The following TMEM120B variants were observed in gnomAD, a reference collection of about 807,000 sequenced individuals.
The protein encoded by TMEM120B is transmembrane protein 120B.
TMEM120B carries 31 observed loss-of-function variants against 55.5 expected under a neutral mutation model. The ratio of observed to expected loss-of-function variants is 0.56; its 90% confidence interval spans 0.42 to 0.75. TMEM120B has a LOEUF of 0.75. TMEM120B is among the 30% of genes least tolerant of loss of function. The pLI, the probability that TMEM120B is intolerant of heterozygous loss-of-function variation, is 0.00. For missense variants in TMEM120B, 399 were observed against 425.5 expected, an observed-to-expected ratio of 0.94 and a Z score of 0.55; for synonymous variants, 203 against 176.3, an observed-to-expected ratio of 1.15 and a Z score of -1.20.
chr12:121,761,539 C>G, intron 5 of TMEM120B, 110 bp from the exon 6 acceptor site: 1 of 745,144 alleles, frequency 1.3e-6, no homozygotes, highest in Non-Finnish European at 2.3e-6. Context: ...AGAGGCAGCG[C>G]GTGCTGTGGG....
intron 5 of TMEM120B, among the ~76,000 whole-genome samples, chr12:121,755,591 G>A (rs2137240730): frequency 6.6e-6 from 1 of 152,262 alleles, no homozygotes; most frequent in East Asian, 1.9e-4. Context: ...ATGGGAAGTG[G>A]TACTGTCTTA....
In TMEM120B at chr12:121,749,187, A is replaced by G. The variant is rs1231840405; in HGVS notation, c.305+745A>G. 7.9e-5 allele frequency among the ~76,000 whole-genome samples: 12 copies of G among 152,296 alleles called. No individual in the cohort carries two copies. The East Asian group carries it at 2.3e-3, about 29-fold the overall frequency. On this transcript the variant is annotated intron_variant, in intron 3 of 11. Transcript: ENST00000449592. ...GGCTAGCCCTGTTATATTTTAACCC[A>G]TTCCTCCGAGCTTCTCCTTTTTGAC...
intron 6 of TMEM120B, among the ~76,000 whole-genome samples, chr12:121,764,601 C>T (rs912562519): frequency 2.0e-5 from 3 of 151,798 alleles, no homozygotes; most frequent in Non-Finnish European, 2.9e-5. Flanking sequence ...ATTGTATGAG[C>T]CCAGGAGGTT....
chr12:121,750,971 C>CCTCACA (rs1873292182), intron 4 of TMEM120B, among the ~76,000 whole-genome samples: 1 of 84,434 alleles, frequency 1.2e-5, no homozygotes, highest in Non-Finnish European at 2.4e-5. Context: ...ACACCACACA[C>CCTCACA]CCCACACCCA....
chr12:121,723,162 G>GTTTGT (rs937353321), intron 1 of TMEM120B, among the ~76,000 whole-genome samples: 4 of 128,870 alleles, frequency 3.1e-5, no homozygotes, highest in Non-Finnish European at 7.2e-5. Flanking sequence ...TTGTTTGTTT[G>GTTTGT]TTTGTTTTGT....
chr12:121,739,714 C>G (rs1646324886), intron 1 of TMEM120B, among the ~76,000 whole-genome samples: 1 of 151,568 alleles, frequency 6.6e-6, no homozygotes, highest in South Asian at 2.1e-4. Context: ...TCAAGTGATC[C>G]ACACACCACA....
chr12:121,776,325 C>T lies in TMEM120B; in HGVS notation c.*603C>T, dbSNP rs1337677671. 1 of 160,876 alleles carries T rather than the reference C, an allele frequency of 6.2e-6. No individual in the cohort carries two copies. The highest frequency in any genetic ancestry group is 1.3e-5 in the Non-Finnish European group (1 of 74,194). 10.0% of individuals were successfully genotyped at this position (160,876 alleles called of 1,614,324 possible). ...TCCTGAGTCAGGCTGTGAGAAGATT[C>T]GCCACCAGAGGGCGCCCCGGGCCCT... On this transcript the variant is annotated 3_prime_UTR_variant, in exon 12 of 12. Coordinates refer to ENST00000449592, the MANE Select transcript of TMEM120B (RefSeq NM_001080825.2).
chr12:121,741,590 A>G (rs1405046763), intron 1 of TMEM120B, among the ~76,000 whole-genome samples: 5 of 152,100 alleles, frequency 3.3e-5, no homozygotes, highest in African/African-American at 9.7e-5. Context: ...TGGCCTCCCA[A>G]AGTGCTGGGA....
rs1163323998 is a variant in TMEM120B at position 121,777,144 on chromosome 12, G to A, written c.*1422G>A. On this transcript the variant is annotated 3_prime_UTR_variant, in exon 12 of 12. Coordinates refer to ENST00000449592, the MANE Select transcript of TMEM120B (RefSeq NM_001080825.2). The stretch of plus-strand genomic sequence containing the variant: ...CTTTTGTTTTGTTTTGTTTTGTTTT[G>A]TATTTTTAGTAGAGACAGGGTTTCA... 6.6e-6 allele frequency: 1 copy of A among 151,746 alleles called. No homozygotes were observed. Among genetic ancestry groups the A allele is most frequent in the Non-Finnish European group, 1.5e-5 (1 of 67,964 alleles). The allele number at this position is 151,746 out of a possible 1,614,324, so 9.4% of individuals were successfully genotyped here.
At chr12:121,718,209 G>A (rs1227586210) in intron 1 of TMEM120B, among the ~76,000 whole-genome samples, 1 of 152,190 alleles carries the variant, frequency 6.6e-6, no homozygotes, top group African/African-American at 2.4e-5. Flanking sequence ...ATGGCCTGGC[G>A]CAGTGGCCCA....
At chr12:121,768,534 G>C (rs377082216) in intron 6 of TMEM120B, among the ~76,000 whole-genome samples, 5 of 152,320 alleles carry the variant, frequency 3.3e-5, no homozygotes, top group African/African-American at 1.2e-4. Flanking sequence ...AAGCACGTGG[G>C]CGTGTGTGTG....
chr12:121,730,931 C>T (rs1442403411), intron 1 of TMEM120B, among the ~76,000 whole-genome samples: 1 of 151,576 alleles, frequency 6.6e-6, no homozygotes, highest in Non-Finnish European at 1.5e-5. Context: ...GCACTCCAGT[C>T]TGGGTAACAA....
rs1592921262 is a variant in TMEM120B at position 121,717,824 on chromosome 12, A to T, written c.69+4860A>T. Among the ~76,000 whole-genome samples, 3 of 152,018 alleles carry T rather than the reference A, an allele frequency of 2.0e-5. No individual in the cohort carries two copies. The South Asian group carries it at 6.2e-4, about 32-fold the overall frequency. On this transcript the variant is annotated intron_variant, in intron 1 of 11. Transcript: ENST00000449592. ...AGATGTGTGCCACCACTCCTGGCTA[A>T]TTTTTGTATTTTTAGTAGAGACAGG...
At chr12:121,743,509 G>C (rs1318874374) in intron 1 of TMEM120B, 120 bp from the exon 2 acceptor site, 1 of 698,762 alleles carries the variant, frequency 1.4e-6, no homozygotes, top group East Asian at 2.8e-5. Context: ...AGTGAGCCAA[G>C]ATCATGCCAC....
At chr12:121,755,056 C>T (rs754132431) in intron 5 of TMEM120B, among the ~76,000 whole-genome samples, 5 of 152,174 alleles carry the variant, frequency 3.3e-5, no homozygotes, top group African/African-American at 9.7e-5. Flanking sequence ...ATATTAGCAC[C>T]GGTTAGCATC....
At chr12:121,740,521 GTTA>G (rs1219458905) in intron 1 of TMEM120B, among the ~76,000 whole-genome samples, 2 of 151,670 alleles carry the variant, frequency 1.3e-5, no homozygotes, top group African/African-American at 4.8e-5. Context: ...AAAAGAAAGT[GTTA>G]TTAAGAAAAT....
At chr12:121,735,118 A>G (rs1327379407) in intron 1 of TMEM120B, among the ~76,000 whole-genome samples, 6 of 146,790 alleles carry the variant, frequency 4.1e-5, no homozygotes, top group Non-Finnish European at 9.0e-5. Flanking sequence ...CCCAGGAGGC[A>G]GAGGTTGCAG....
At chr12:121,739,274 G>A (rs1246886603) in intron 1 of TMEM120B, among the ~76,000 whole-genome samples, 1 of 152,114 alleles carries the variant, frequency 6.6e-6, no homozygotes, top group Non-Finnish European at 1.5e-5. Context: ...AAAGAGATAT[G>A]AACAGTACCA....
In TMEM120B at chr12:121,750,459, C is replaced by T; in HGVS notation, c.365+20C>T. ...GGCCAAGTAAGTGTCCCCCACCCAC[C>T]ACCCAGACCCACACCTCACACCGCC... On this transcript the variant is annotated intron_variant, in intron 4 of 11. Transcript: ENST00000449592. 1.2e-6 allele frequency: 2 copies of T among 1,606,670 alleles called. No homozygotes were observed. The highest frequency in any genetic ancestry group is 1.7e-6 in the Non-Finnish European group (2 of 1,174,866).
Sources: allele counts gnomAD v4.1 joint callset (sites outside exome capture counted in the v4.1 genomes callset), GRCh38; gene constraint gnomAD v4.1.1; transcripts MANE v1.5; gene names NCBI Gene and HGNC (gene_info 2026-07-23, HGNC 2026-07-21).